The following DLC1 variants were observed in gnomAD, a reference collection of about 807,000 sequenced individuals.
DLC1 encodes the protein DLC1 Rho GTPase activating protein, also known as rho GTPase-activating protein 7.
Under a neutral mutation model 140.3 loss-of-function variants are expected in DLC1, and 54 were observed. The observed-to-expected ratio is 0.38, with a 90% confidence interval of 0.31 to 0.48. The LOEUF (loss-of-function observed/expected upper bound fraction) is 0.48, where lower values mean the gene tolerates loss of function less well. Among genes scored for constraint, DLC1 ranks in the 20% least tolerant of loss-of-function variants. The pLI is 0.96. For missense variants in DLC1, 2,536 were observed against 1,907.0 expected (o/e 1.33, Z -6.14); for synonymous variants, 986 against 728.1 (o/e 1.35, Z -5.70).
In DLC1 at chr8:13,319,819, CTCT is replaced by C. The variant is rs1345655245; in HGVS notation, c.1315-14520_1315-14518del. ...CCAACCATTGTTTAATTCTCTCTCT[CTCT>C]TTTTTTTTTTTTTTTTTTGAGATGG... On this transcript the variant is annotated intron_variant, in intron 4 of 17. Transcript: ENST00000276297. Among the ~76,000 whole-genome samples, 46 of 76,162 alleles carry C rather than the reference CTCT, an allele frequency of 6.0e-4. 1 individual carries two copies. The highest frequency in any genetic ancestry group is 5.3e-3 in the East Asian group (10 of 1,888). The allele number at this position is 76,162 out of a possible 152,430, so 50.0% of individuals were successfully genotyped here. A position where few individuals can be genotyped will look rare whatever the true frequency, so the allele number is the denominator to read the frequency against.
chr8:13,153,292 C>T (rs1324722336), intron 5 of DLC1, among the ~76,000 whole-genome samples: 1 of 152,072 alleles, frequency 6.6e-6, no homozygotes, highest in Non-Finnish European at 1.5e-5. Flanking sequence ...CTTAAGGTGG[C>T]GCGTCTGGAG....
chr8:13,470,697 AGCCATATG>A (rs1159700676), intron 2 of DLC1, among the ~76,000 whole-genome samples: 12 of 152,240 alleles, frequency 7.9e-5, no homozygotes, highest in Admixed American at 3.9e-4. Flanking sequence ...ATAGCCATAT[AGCCATATG>A]GAAAACAGTA....
chr8:13,428,610 C>A (rs1425679074), intron 2 of DLC1, among the ~76,000 whole-genome samples: 2 of 152,138 alleles, frequency 1.3e-5, no homozygotes, highest in East Asian at 1.9e-4. Context: ...GGTGACCCAG[C>A]TGCTCCAGGG....
At chr8:13,359,421 A>T (rs1835115821) in intron 4 of DLC1, among the ~76,000 whole-genome samples, 1 of 152,190 alleles carries the variant, frequency 6.6e-6, no homozygotes, top group African/African-American at 2.4e-5. Context: ...CTTGGGACTC[A>T]AATTATAAGT....
chr8:13,561,176 G>A (rs1280448547), intron 1 of DLC1, among the ~76,000 whole-genome samples: 1 of 149,974 alleles, frequency 6.7e-6, no homozygotes, highest in East Asian at 2.0e-4. Context: ...AGGCTGGAGT[G>A]CACTGGTGCA....
At chr8:13,413,255 G>GTTTTTTTTTTTT (rs1461897724) in intron 2 of DLC1, among the ~76,000 whole-genome samples, 2 of 30,136 alleles carry the variant, frequency 6.6e-5, no homozygotes, top group African/African-American at 1.6e-4. Flanking sequence ...ATTTTTTTGC[G>GTTTTTTTTTTTT]ATTTTTTTTT....
intron 1 of DLC1, among the ~76,000 whole-genome samples, chr8:13,536,338 T>G (rs1275201027): frequency 1.3e-5 from 2 of 152,206 alleles, no homozygotes; most frequent in African/African-American, 4.8e-5. Context: ...TAAGGTTAGA[T>G]AATCACAAGG....
chr8:13,444,068 C>T (rs1215341496), intron 2 of DLC1, among the ~76,000 whole-genome samples: 3 of 152,026 alleles, frequency 2.0e-5, no homozygotes, highest in Non-Finnish European at 4.4e-5. Flanking sequence ...AAAAATATTT[C>T]AGAATCATAA....
chr8:13,367,395 C>G (rs1249339963), intron 4 of DLC1, among the ~76,000 whole-genome samples: 1 of 152,204 alleles, frequency 6.6e-6, no homozygotes, highest in Non-Finnish European at 1.5e-5. Context: ...GCCTCCTGTT[C>G]TTAGGTGCTG....
At chr8:13,380,589 A>G (rs1053114167) in intron 4 of DLC1, among the ~76,000 whole-genome samples, 1 of 152,174 alleles carries the variant, frequency 6.6e-6, no homozygotes, top group African/African-American at 2.4e-5. Context: ...GACAAAAAAT[A>G]CCACTATAAC....
At position 13,100,598 on chromosome 8, in the gene DLC1, C is replaced by A; in HGVS notation, c.1739G>T (p.Gly580Val). The change falls in exon 9 of 18, where the codon GGC becomes GTC. Residue 580 changes from glycine (G) to valine (V), a missense_variant. Physicochemically the swap from Gly to Val is moderately radical, Grantham distance 109. Coordinates refer to ENST00000276297, the MANE Select transcript of DLC1 (RefSeq NM_182643.3). ...GCGCTCGCTGAGGTCCATCAGCGTGCCTCCGGGGCTGGGGCCGTCCTTCGG... is the reference window on the plus strand; with the variant it reads ...GCGCTCGCTGAGGTCCATCAGCGTGACTCCGGGGCTGGGGCCGTCCTTCGG... ...SHPKDGPSPGGTLMDLSERQE... is the reference protein window; with the variant it reads ...SHPKDGPSPGVTLMDLSERQE... 1 of 1,613,870 alleles carries A rather than the reference C, an allele frequency of 6.2e-7. No homozygotes were observed. The highest frequency in any genetic ancestry group is 8.5e-7 in the Non-Finnish European group (1 of 1,179,926).
intron 1 of DLC1, among the ~76,000 whole-genome samples, chr8:13,551,969 A>G (rs955696971): frequency 2.8e-5 from 4 of 145,092 alleles, no homozygotes; most frequent in Non-Finnish European, 6.0e-5. Context: ...GTGTATATGT[A>G]TATGTGTGTG....
chr8:13,166,880 G>T (rs1319567467), intron 5 of DLC1, among the ~76,000 whole-genome samples: 2 of 152,152 alleles, frequency 1.3e-5, no homozygotes, highest in East Asian at 3.9e-4. Context: ...CTGGGAATTG[G>T]TGCCCTGTGG....
At chr8:13,131,226 A>C (rs1251988084) in intron 5 of DLC1, among the ~76,000 whole-genome samples, 1 of 152,188 alleles carries the variant, frequency 6.6e-6, no homozygotes, top group Non-Finnish European at 1.5e-5. Flanking sequence ...ACCAGTCTGT[A>C]GTCCAGATGG....
At position 13,103,082 on chromosome 8, in the gene DLC1, G is replaced by A. The variant is rs377757813; in HGVS notation, c.1503-229C>T. ...TCCCAGCACTTTGGGAGGCCTAGGC[G>A]GGTGGATCACGAGGTCAGGAGAGCG... On this transcript the variant is annotated intron_variant, in intron 7 of 17. Coordinates refer to ENST00000276297, the MANE Select transcript of DLC1 (RefSeq NM_182643.3). Among the ~76,000 whole-genome samples the A allele has an allele frequency of 2.9e-4, 44 of 151,322 alleles. No individual in the cohort carries two copies. In the East Asian group the frequency reaches 6.9e-3, roughly 24 times the overall value.
chr8:13,188,844 T>TATATATGTATA (rs1491498157), intron 5 of DLC1, among the ~76,000 whole-genome samples: 1 of 25,850 alleles, frequency 3.9e-5, no homozygotes, highest in Non-Finnish European at 8.2e-5. Context: ...TATATATATA[T>TATATATGTATA]TTTTTTTTTT....
At position 13,467,512 on chromosome 8, in the gene DLC1, A is replaced by C. The variant is rs1051528772; in HGVS notation, c.1023+31537T>G. Among the ~76,000 whole-genome samples the C allele has an allele frequency of 7.3e-5, 11 of 151,062 alleles. No homozygotes were observed. In the South Asian group the frequency reaches 8.3e-4, roughly 11 times the overall value. Reference sequence around the variant, plus strand: ...TATAGTGGCTCACACCTGTAATCCTAGCACTTTGGGAGGCCAAAGTGGGAG... The same window carrying C: ...TATAGTGGCTCACACCTGTAATCCTCGCACTTTGGGAGGCCAAAGTGGGAG... On this transcript the variant is annotated intron_variant, in intron 2 of 17. Coordinates refer to ENST00000276297, the MANE Select transcript of DLC1 (RefSeq NM_182643.3).
At chr8:13,494,383 C>A (rs1384004887) in intron 2 of DLC1, among the ~76,000 whole-genome samples, 1 of 152,148 alleles carries the variant, frequency 6.6e-6, no homozygotes, top group Non-Finnish European at 1.5e-5. Flanking sequence ...CAACTAAATT[C>A]TAGCCCATGA....
chr8:13,142,585 G>A (rs1823083322), intron 5 of DLC1, among the ~76,000 whole-genome samples: 1 of 152,020 alleles, frequency 6.6e-6, no homozygotes, highest in Non-Finnish European at 1.5e-5. Flanking sequence ...AAAAGTAAAA[G>A]GAAAATTAGG....
Sources: allele counts gnomAD v4.1 joint callset (sites outside exome capture counted in the v4.1 genomes callset), GRCh38; gene constraint gnomAD v4.1.1; transcripts MANE v1.5; gene names NCBI Gene and HGNC (gene_info 2026-07-23, HGNC 2026-07-21).